EIF3C: variants seen among roughly 807,000 people sequenced by gnomAD.
EIF3C encodes eukaryotic translation initiation factor 3 subunit C.
EIF3C carries 2 observed loss-of-function variants against 11.1 expected under a neutral mutation model. The observed-to-expected ratio is 0.18, with a 90% CI of 0.07 to 0.57. The LOEUF is 0.57. EIF3C is among the 20% of genes least tolerant of loss of function. EIF3C has a pLI of 0.92. For synonymous variants in EIF3C, 2 were observed against 41.5 expected, an observed-to-expected ratio of 0.05 and a Z score of 3.66; for missense variants, 16 against 114.6, an observed-to-expected ratio of 0.14 and a Z score of 3.93.
At chr16:28,725,769 A>AG (rs1596714133) in intron 13 of EIF3C, among the ~76,000 whole-genome samples, 1 of 37,156 alleles carries the variant, frequency 2.7e-5, no homozygotes, top group African/African-American at 1.2e-4. Context: ...CCATCTCAAA[A>AG]AAAAAAAAAA....
At chr16:28,697,868 G>A (rs1596703095) in intron 1 of EIF3C, among the ~76,000 whole-genome samples, 2 of 89,142 alleles carry the variant, frequency 2.2e-5, no homozygotes, top group Non-Finnish European at 2.2e-5. Flanking sequence ...CCGGGCGGGG[G>A]GCTGACCCCC....
At chr16:28,698,300 G>T (rs1265504305) in intron 1 of EIF3C, among the ~76,000 whole-genome samples, 1 of 107,752 alleles carries the variant, frequency 9.3e-6, no homozygotes, top group African/African-American at 3.9e-5. Context: ...TGGCCAGGCT[G>T]AGGGGCTCCT....
intron 1 of EIF3C, among the ~76,000 whole-genome samples, chr16:28,697,726 T>C (rs1191436432): frequency 1.1e-5 from 1 of 90,624 alleles, no homozygotes; most frequent in Non-Finnish European, 1.9e-5. Context: ...GACGGGGTGG[T>C]GGCCGGTCAG....
chr16:28,700,355 C>T (rs1381158105), intron 1 of EIF3C: 1 of 362,120 alleles, frequency 2.8e-6, no homozygotes, highest in Admixed American at 2.6e-5. Flanking sequence ...CCTGAACACT[C>T]CTCCTCTCCC....
At position 28,698,149 on chromosome 16, in the gene EIF3C, C is replaced by T. The variant is rs1283627674; in HGVS notation, c.-31+9321C>T. Among the ~76,000 whole-genome samples the T allele has an allele frequency of 3.5e-4, 31 of 89,308 alleles. 1 individual carries two copies. Among genetic ancestry groups the T allele is most frequent in the African/African-American group, 1.2e-3 (26 of 21,278 alleles). The allele number at this position is 89,308 out of a possible 152,430, so 58.6% of individuals were successfully genotyped here. ...GGGCTGACCCCCCCCACCTCCCTCC[C>T]GGACGGGGCGGCTGGCCGGGCAGAG... is the stretch of plus-strand genomic sequence containing the variant. On this transcript the variant is annotated intron_variant, in intron 1 of 20. Coordinates refer to the EIF3C transcript ENST00000566501.
chr16:28,698,305 G>T (rs1247462906), intron 1 of EIF3C, among the ~76,000 whole-genome samples: 1 of 103,928 alleles, frequency 9.6e-6, no homozygotes, highest in Non-Finnish European at 2.0e-5. Context: ...AGGCTGAGGG[G>T]CTCCTCACTT....
intron 1 of EIF3C, chr16:28,700,633 C>T (rs2048276220): frequency 4.3e-6 from 1 of 232,242 alleles, no homozygotes; most frequent in Non-Finnish European, 7.9e-6. Flanking sequence ...GCACAGGCTC[C>T]GTGGAGGCTT....
chr16:28,698,236 C>T (rs1173164192), intron 1 of EIF3C, among the ~76,000 whole-genome samples: 4 of 120,736 alleles, frequency 3.3e-5, no homozygotes, highest in African/African-American at 6.5e-5. Flanking sequence ...CCGGACGGGG[C>T]GGCTGGCCGG....
At chr16:28,727,855 T>G (rs1470521659) in intron 15 of EIF3C, among the ~76,000 whole-genome samples, 1 of 112,032 alleles carries the variant, frequency 8.9e-6, no homozygotes, top group African/African-American at 3.0e-5. Context: ...TTTGGTGGTG[T>G]TGGTCTTTTT....
In EIF3C at chr16:28,689,332, C is replaced by T. The variant is rs1426115435; in HGVS notation, c.-31+504C>T. ...TGTGGTTTCCGCCTTGTGAGTGGATCCCGATCGATGTAGCATTATTACAAG... is the reference window on the plus strand; with the variant it reads ...TGTGGTTTCCGCCTTGTGAGTGGATTCCGATCGATGTAGCATTATTACAAG... On this transcript the variant is annotated intron_variant, in intron 1 of 20. Coordinates refer to the EIF3C transcript ENST00000566501. Among the ~76,000 whole-genome samples, 3 of 46,976 alleles carry T rather than the reference C, an allele frequency of 6.4e-5. 1 individual carries two copies. Among genetic ancestry groups the T allele is most frequent in the African/African-American group, 3.6e-4 (2 of 5,616 alleles). The allele number at this position is 46,976 out of a possible 152,430, so 30.8% of individuals were successfully genotyped here.
At position 28,697,268 on chromosome 16, in the gene EIF3C, T is replaced by C. The variant is rs1218463983; in HGVS notation, c.-31+8440T>C. On this transcript the variant is annotated intron_variant, in intron 1 of 20. Transcript: ENST00000566501. ...ATTTGGCAGGGTCATGGGACAATAG[T>C]GGAGGGAAGGTCAGCAGATAAACAA... 1.8e-3 allele frequency among the ~76,000 whole-genome samples: 31 copies of C among 16,920 alleles called. 9 individuals carry two copies. The highest frequency in any genetic ancestry group is 2.5e-3 in the Non-Finnish European group (27 of 10,662). 11.1% of individuals were successfully genotyped at this position (16,920 alleles called of 152,430 possible).
At chr16:28,700,989 C>A (rs2048278421) in intron 1 of EIF3C, 2 of 169,186 alleles carry the variant, frequency 1.2e-5, no homozygotes, top group Admixed American at 1.4e-4. Context: ...CAGCCTCCGC[C>A]TCCCGGGTTC....
intron 15 of EIF3C, among the ~76,000 whole-genome samples, chr16:28,728,475 T>TG (rs2048404492): frequency 1.4e-5 from 1 of 73,430 alleles, no homozygotes; most frequent in Non-Finnish European, 3.2e-5. Context: ...CTTTTAGGGG[T>TG]TGTGTGTGTA....
intron 1 of EIF3C, among the ~76,000 whole-genome samples, chr16:28,697,990 C>CA (rs2048250204): frequency 4.8e-5 from 1 of 20,996 alleles, no homozygotes; most frequent in Admixed American, 4.2e-4. Context: ...GCTGGCCGGG[C>CA]GGGGGGGCTG....
At chr16:28,725,856 G>T (rs2151798406) in intron 13 of EIF3C, among the ~76,000 whole-genome samples, 1 of 141,290 alleles carries the variant, frequency 7.1e-6, no homozygotes, top group South Asian at 2.4e-4. Flanking sequence ...GGAGGCCGAG[G>T]TGTGTGAATC....
intron 1 of EIF3C, among the ~76,000 whole-genome samples, chr16:28,698,262 C>T (rs1462857197): frequency 7.9e-6 from 1 of 127,108 alleles, no homozygotes. Context: ...GGGGCTGACC[C>T]CCCCATCTCC....
chr16:28,700,949 G>T lies in EIF3C; in HGVS notation c.-30-10708G>T. On this transcript the variant is annotated intron_variant, in intron 1 of 20. Coordinates refer to the EIF3C transcript ENST00000566501. ...GGAGTCTTGCTCTGTCGCCCAGGCT[G>T]GTGTGCAATGGCATGATCTTGGCTC... 1.0e-5 allele frequency: 2 copies of T among 191,720 alleles called. 1 individual carries two copies. Among genetic ancestry groups the T allele is most frequent in the South Asian group, 1.6e-4 (2 of 12,732 alleles). The allele number at this position is 191,720 out of a possible 1,614,324, so 11.9% of individuals were successfully genotyped here.
intron 1 of EIF3C, chr16:28,700,435 T>G (rs1302152767): frequency 2.6e-6 from 1 of 382,800 alleles, no homozygotes; most frequent in African/African-American, 3.4e-5. Context: ...CATGGGGAAC[T>G]TGGCCTTGGT....
chr16:28,729,686 G>T (rs377147469), intron 15 of EIF3C, among the ~76,000 whole-genome samples: 9,763 of 113,776 alleles, frequency 0.086, 15 homozygotes, highest in African/African-American at 0.13. Flanking sequence ...TATAAGAGTA[G>T]GTGTTTTTCA....
Sources: gnomAD v4.1 joint callset for allele counts (sites outside exome capture counted in the v4.1 genomes callset) on GRCh38, gnomAD v4.1.1 for gene constraint, MANE v1.5 for transcripts, NCBI Gene and HGNC (gene_info 2026-07-23, HGNC 2026-07-21) for gene names.